Variants in AHCTF1 observed in about 807,000 individuals in gnomAD.
AHCTF1 encodes the protein protein ELYS.
Under a neutral mutation model 248.4 loss-of-function variants are expected in AHCTF1, and 24 were observed. The ratio of observed to expected loss-of-function variants is 0.10; its 90% CI spans 0.07 to 0.14. The LOEUF (loss-of-function observed/expected upper bound fraction) is 0.14. Ranked by LOEUF, AHCTF1 falls within the 10% of genes least tolerant of loss-of-function variation. The pLI is 1.00. For missense variants in AHCTF1, 2,206 were observed against 2,636.2 expected (o/e 0.84, Z 3.57); for synonymous variants, 786 against 929.8 (o/e 0.85, Z 2.81).
At chr1:246,846,639 G>A (rs1660280496) in intron 33 of AHCTF1, among the ~76,000 whole-genome samples, 2 of 151,990 alleles carry the variant, frequency 1.3e-5, no homozygotes, top group South Asian at 4.1e-4. Flanking sequence ...CCCAACAGAA[G>A]AGGGTTTAAA....
chr1:246,845,365 TAAAAA>T (rs146736366), intron 33 of AHCTF1, among the ~76,000 whole-genome samples: 3,131 of 151,290 alleles, frequency 0.021, 42 homozygotes, highest in Middle Eastern at 0.034. Flanking sequence ...ATATGATTCT[TAAAAA>T]AAAGAAAAAT....
intron 1 of AHCTF1, among the ~76,000 whole-genome samples, chr1:246,927,082 G>C (rs1047807010): frequency 2.0e-5 from 3 of 151,856 alleles, no homozygotes; most frequent in Admixed American, 6.6e-5. Flanking sequence ...GGAGGCTGAG[G>C]AGGGAGAATG....
intron 1 of AHCTF1, among the ~76,000 whole-genome samples, chr1:246,921,026 A>C (rs1280964134): frequency 6.6e-6 from 1 of 152,152 alleles, no homozygotes; most frequent in African/African-American, 2.4e-5. Context: ...TGGGAGAAGG[A>C]GGTTGCAGTG....
At chr1:246,931,420 C>T in intron 1 of AHCTF1, 158 bp downstream of exon 1, 2 of 1,447,844 alleles carry the variant, frequency 1.4e-6, no homozygotes. Context: ...CCCCCTCGAG[C>T]CCCATCCGTT....
chr1:246,917,460 G>A (rs1666226505), intron 2 of AHCTF1, among the ~76,000 whole-genome samples: 1 of 151,924 alleles, frequency 6.6e-6, no homozygotes, highest in African/African-American at 2.4e-5. Flanking sequence ...AGAACGCCAA[G>A]GTTCCAAGAT....
intron 21 of AHCTF1, among the ~76,000 whole-genome samples, chr1:246,883,391 GAGATACT>G (rs1663598029): frequency 6.6e-6 from 1 of 152,156 alleles, no homozygotes; most frequent in East Asian, 1.9e-4. Context: ...ATGACCGCAG[GAGATACT>G]CAGAAACTTT....
At chr1:246,899,592 A>G (rs1664851112) in intron 10 of AHCTF1, 80 bp from the exon 11 acceptor site, 6 of 1,011,028 alleles carry the variant, frequency 5.9e-6, no homozygotes, top group East Asian at 2.6e-5. Flanking sequence ...CCAATAACAG[A>G]CTGCAAGGCA....
At chr1:246,880,956 G>T (rs758046033) in intron 21 of AHCTF1, among the ~76,000 whole-genome samples, 2 of 152,206 alleles carry the variant, frequency 1.3e-5, no homozygotes, top group African/African-American at 2.4e-5. Flanking sequence ...AGGAATGCAT[G>T]GGGGTTCTTG....
At chr1:246,917,424 A>G (rs1053860549) in intron 2 of AHCTF1, among the ~76,000 whole-genome samples, 1 of 152,184 alleles carries the variant, frequency 6.6e-6, no homozygotes, top group Non-Finnish European at 1.5e-5. Flanking sequence ...ACAGTTTAAG[A>G]AAGTAGCATG....
chr1:246,899,032 T>C (rs936845586), intron 11 of AHCTF1, among the ~76,000 whole-genome samples: 3 of 152,136 alleles, frequency 2.0e-5, no homozygotes, highest in Non-Finnish European at 4.4e-5. Context: ...GAGGTTGCAA[T>C]GAGCCGAGAT....
In AHCTF1 at chr1:246,849,826, T is replaced by C. The variant is rs369759637; in HGVS notation, c.6180A>G (p.Ser2060=). The change falls in exon 33 of 36, where the codon TCA becomes TCG. Residue 2060 remains serine, a synonymous_variant. Coordinates refer to ENST00000648844, the MANE Select transcript of AHCTF1 (RefSeq NM_001323342.2). ...TGCGTTCTTCTGATACTGAGTGCAA[T>C]GAACGTTTTTGGCTTTGACTTTCAG... ...KKTESQSQKR[S]LHSVSEERTD... is the part of the protein sequence containing the mutation. 3.9e-5 allele frequency: 63 copies of C among 1,613,874 alleles called. No individual in the cohort carries two copies. Among genetic ancestry groups the C allele is most frequent in the Middle Eastern group, 3.3e-4 (2 of 6,078 alleles).
chr1:246,917,346 A>C (rs2103226451), intron 2 of AHCTF1, among the ~76,000 whole-genome samples: 1 of 152,290 alleles, frequency 6.6e-6, no homozygotes, highest in South Asian at 2.1e-4. Flanking sequence ...GTAACTTCTA[A>C]ATTTGAGATG....
chr1:246,885,803 A>G (rs1405519507), intron 20 of AHCTF1, 123 bp from the exon 21 acceptor site: 10 of 895,210 alleles, frequency 1.1e-5, no homozygotes, highest in Non-Finnish European at 1.7e-5. Flanking sequence ...AAGCTGAAAA[A>G]ATCTACTTTA....
chr1:246,853,527 G>C (rs1460542101), intron 31 of AHCTF1, among the ~76,000 whole-genome samples: 1 of 152,146 alleles, frequency 6.6e-6, no homozygotes, highest in African/African-American at 2.4e-5. Flanking sequence ...AACGGTATCA[G>C]GAAACATTAA....
intron 3 of AHCTF1, among the ~76,000 whole-genome samples, chr1:246,914,624 A>T (rs961438410): frequency 6.6e-6 from 1 of 152,224 alleles, no homozygotes; most frequent in Non-Finnish European, 1.5e-5. Context: ...ATATGAAGTG[A>T]TTAATACTAT....
At chr1:246,880,469 C>T (rs1186901906) in intron 21 of AHCTF1, among the ~76,000 whole-genome samples, 1 of 149,264 alleles carries the variant, frequency 6.7e-6, no homozygotes, top group Non-Finnish European at 1.5e-5. Context: ...GAGCCTGAGG[C>T]AGGAGAATCA....
intron 4 of AHCTF1, 115 bp from the exon 5 acceptor site, chr1:246,907,873 T>A (rs1331204940): frequency 1.1e-6 from 1 of 885,382 alleles, no homozygotes; most frequent in African/African-American, 1.7e-5. Flanking sequence ...TGAAGTTAAT[T>A]GAAATTAAAA....
chr1:246,841,955 ATTTTTTT>A (rs1211083487), intron 35 of AHCTF1, among the ~76,000 whole-genome samples: 1 of 124,294 alleles, frequency 8.0e-6, no homozygotes, highest in Non-Finnish European at 1.7e-5. Context: ...CGCCCAGCTA[ATTTTTTT>A]TTTTTTTTTT....
rs755497281 is a variant in AHCTF1 at position 246,872,760 on chromosome 1, C to T, written c.3088+3277G>A. 7.9e-5 allele frequency among the ~76,000 whole-genome samples: 12 copies of T among 152,248 alleles called. 1 individual carries two copies. In the South Asian group the frequency reaches 2.1e-3, roughly 26 times the overall value. ...CCTTTCCAATCACTATATAGAAGAG[C>T]TTGCTTGGCATGATTGAACCTTCGA... is the stretch of plus-strand genomic sequence containing the variant. On this transcript the variant is annotated intron_variant, in intron 24 of 35. Coordinates refer to ENST00000648844, the MANE Select transcript of AHCTF1 (RefSeq NM_001323342.2).
Sources: gnomAD v4.1 joint callset for allele counts (sites outside exome capture counted in the v4.1 genomes callset) on GRCh38, gnomAD v4.1.1 for gene constraint, MANE v1.5 for transcripts, NCBI Gene and HGNC (gene_info 2026-07-23, HGNC 2026-07-21) for gene names.